The following PLAA variants were observed in gnomAD, a reference collection of about 807,000 sequenced individuals.
PLAA encodes the protein phospholipase A-2-activating protein.
Under a neutral mutation model 84.1 loss-of-function variants are expected in PLAA, and 48 were observed. That is an observed-to-expected ratio of 0.57 (90% confidence interval 0.45 to 0.73). The LOEUF (loss-of-function observed/expected upper bound fraction) is 0.73, where lower values mean the gene tolerates loss of function less well. PLAA is among the 30% of genes least tolerant of loss of function. PLAA has a pLI of 0.00. For synonymous variants in PLAA, 392 were observed against 336.6 expected (o/e 1.16, Z -1.80); for missense variants, 903 against 954.7 (o/e 0.95, Z 0.71).
At chr9:26,942,687 C>T (rs895831193) in intron 1 of PLAA, among the ~76,000 whole-genome samples, 1 of 152,058 alleles carries the variant, frequency 6.6e-6, no homozygotes, top group Non-Finnish European at 1.5e-5. Flanking sequence ...TCCAGACCAT[C>T]CTGGCTAACA....
chr9:26,904,073 C>G lies in PLAA; in HGVS notation c.*1438G>C, dbSNP rs1824158549. The G allele has an allele frequency of 6.5e-6, 1 of 153,416 alleles. No homozygotes were observed. Among genetic ancestry groups the G allele is most frequent in the Non-Finnish European group, 1.5e-5 (1 of 68,012 alleles). The allele number at this position is 153,416 out of a possible 1,614,324, so 9.5% of individuals were successfully genotyped here. A position where few individuals can be genotyped will look rare whatever the true frequency, so the allele number is the denominator to read the frequency against. On this transcript the variant is annotated 3_prime_UTR_variant, in exon 14 of 14. Transcript: ENST00000397292. The stretch of plus-strand genomic sequence containing the variant: ...GTGAACAGAATATTTAGTCCAGGTA[C>G]ACACCAGGTAGTTCCAATTTAATAC...
At position 26,907,417 on chromosome 9, in the gene PLAA, T is replaced by C. The variant is rs1302558217; in HGVS notation, c.1822+417A>G. On this transcript the variant is annotated intron_variant, in intron 13 of 13. Transcript: ENST00000397292. ...GGTGGCGGGTGCCTATAGTCCCAGC[T>C]ACTAAGGAGGCTGAGGCAGGAGAAC... Among the ~76,000 whole-genome samples the C allele has an allele frequency of 9.2e-5, 14 of 152,054 alleles. No individual in the cohort carries two copies. The East Asian group carries it at 2.5e-3, about 27-fold the overall frequency.
At chr9:26,906,134 A>G (rs1337361963) in intron 13 of PLAA, 58 bp from the exon 14 acceptor site, 3 of 1,151,012 alleles carry the variant, frequency 2.6e-6, no homozygotes, top group African/African-American at 3.1e-5. Context: ...TCTTTTGACT[A>G]TCGACTTTGA....
At chr9:26,933,646 G>A (rs904077214) in intron 2 of PLAA, among the ~76,000 whole-genome samples, 11 of 151,384 alleles carry the variant, frequency 7.3e-5, no homozygotes, top group African/African-American at 9.7e-5. Context: ...AAAATTAGCC[G>A]GGCGTGGTAG....
At chr9:26,934,517 T>C (rs1253105834) in intron 2 of PLAA, among the ~76,000 whole-genome samples, 1 of 141,742 alleles carries the variant, frequency 7.1e-6, no homozygotes, top group Non-Finnish European at 1.5e-5. Flanking sequence ...CTCCACTCTG[T>C]CACCCAGGCT....
Position 26,925,923 on chromosome 9 carries a change from G to A in PLAA, c.771C>T (p.Ile257=). Residue 257 remains isoleucine, a synonymous_variant, in exon 6 of 14, where the codon ATC becomes ATT. Coordinates refer to ENST00000397292, the MANE Select transcript of PLAA (RefSeq NM_001031689.3). ...VTTAEDRSLR[I]WKHGECAQTI... ...TTTGAGCACATTCCCCATGTTTCCA[G>A]ATTCTCAGAGATCTGTCCTCTGCTG... is the stretch of plus-strand genomic sequence containing the variant. 1 of 1,613,412 alleles carries A rather than the reference G, an allele frequency of 6.2e-7. No individual in the cohort carries two copies. The highest frequency in any genetic ancestry group is 1.1e-5 in the South Asian group (1 of 91,076).
At position 26,905,514 on chromosome 9, in the gene PLAA, C is replaced by T. The variant is rs772924678; in HGVS notation, c.2385G>A (p.Leu795=). Residue 795 remains leucine (L), a synonymous_variant, in exon 14 of 14, where the codon CTG becomes CTA. Coordinates refer to ENST00000397292, the MANE Select transcript of PLAA (RefSeq NM_001031689.3). ...SECCRFILNL[L] is the part of the protein sequence containing the mutation. ...TATCCGTCCCTCTTCCCCACTGCTA[C>T]AGCAAATTTAGGATAAATCTACAGC... is the stretch of plus-strand genomic sequence containing the variant. 1.2e-6 allele frequency: 2 copies of T among 1,601,446 alleles called. No individual in the cohort carries two copies. Among genetic ancestry groups the T allele is most frequent in the Non-Finnish European group, 1.7e-6 (2 of 1,173,218 alleles).
rs111856455 is a variant in PLAA at position 26,908,517 on chromosome 9, G to GC, written c.1658-520dup. ...CTCACTCTGTTGCCCAGGCTGGAGTGCAGTGGCATGATCTCGGCTCACTGC... is the reference window on the plus strand; with the variant it reads ...CTCACTCTGTTGCCCAGGCTGGAGTGCCAGTGGCATGATCTCGGCTCACTGC... On this transcript the variant is annotated intron_variant, in intron 12 of 13. Coordinates refer to ENST00000397292, the MANE Select transcript of PLAA (RefSeq NM_001031689.3). 2.8e-3 allele frequency among the ~76,000 whole-genome samples: 431 copies of GC among 151,618 alleles called. 4 individuals carry two copies. Among genetic ancestry groups the GC allele is most frequent in the African/African-American group, 9.9e-3 (410 of 41,288 alleles).
chr9:26,945,398 C>T (rs1563923312), intron 1 of PLAA, among the ~76,000 whole-genome samples: 1 of 152,164 alleles, frequency 6.6e-6, no homozygotes, highest in African/African-American at 2.4e-5. Flanking sequence ...TAACTGTACT[C>T]AAACAAAAAG....
In PLAA at chr9:26,905,942, G is replaced by C; in HGVS notation, c.1957C>G (p.Pro653Ala). Reference sequence around the variant, plus strand: ...CTGAGAGCAAGCAGCTGGTTTGCTGGCTTTCCTTTAGGGTTCAGAAGATTG... The same window carrying C: ...CTGAGAGCAAGCAGCTGGTTTGCTGCCTTTCCTTTAGGGTTCAGAAGATTG... ...LINLLNPKGK[P>A]ANQLLALRTF... Residue 653 changes from proline (P) to alanine (A), a missense_variant, in exon 14 of 14, where the codon CCA becomes GCA. By Grantham distance (27) the Pro-to-Ala change is conservative. Coordinates refer to ENST00000397292, the MANE Select transcript of PLAA (RefSeq NM_001031689.3). 1 of 1,614,128 alleles carries C rather than the reference G, an allele frequency of 6.2e-7. No individual in the cohort carries two copies. The highest frequency in any genetic ancestry group is 8.5e-7 in the Non-Finnish European group (1 of 1,180,028).
In PLAA at chr9:26,928,385, A is replaced by G. The variant is rs753681604; in HGVS notation, c.367T>C (p.Phe123Leu). Residue 123 changes from phenylalanine to leucine, a missense_variant, in exon 3 of 14, where the codon TTT becomes CTT. Phe to Leu is a conservative substitution (Grantham distance 22, BLOSUM62 0). Coordinates refer to ENST00000397292, the MANE Select transcript of PLAA (RefSeq NM_001031689.3). The part of the protein sequence containing the change: ...NTVCSLSSGK[F>L]GTLLSGSWDT... ...CATGAACCACTAAGTAATGTCCCAA[A>G]TTTTCCAGATGATAGACTACAAACT... The G allele has an allele frequency of 5.0e-6, 8 of 1,612,744 alleles. No individual in the cohort carries two copies. The highest frequency in any genetic ancestry group is 6.8e-6 in the Non-Finnish European group (8 of 1,178,842).
rs1251664115 is a variant in PLAA at position 26,928,395 on chromosome 9, T to C, written c.357A>G (p.Ser119=). The change falls in exon 3 of 14, where the codon TCA becomes TCG. Residue 119 remains serine, a synonymous_variant. Transcript: ENST00000397292. ...TAAGTAATGTCCCAAATTTTCCAGA[T>C]GATAGACTACAAACTAAGGAAAAAA... is the stretch of plus-strand genomic sequence containing the variant. ...KGHKNTVCSL[S]SGKFGTLLSG... 2.2e-5 allele frequency: 35 copies of C among 1,608,346 alleles called. No individual in the cohort carries two copies. The highest frequency in any genetic ancestry group is 5.3e-5 in the African/African-American group (4 of 74,836).
chr9:26,946,568 G>A (rs1009929984), intron 1 of PLAA, among the ~76,000 whole-genome samples: 13 of 151,550 alleles, frequency 8.6e-5, no homozygotes, highest in Admixed American at 3.3e-4. Context: ...CACTTCGGAG[G>A]GTGCAACTGC....
intron 10 of PLAA, among the ~76,000 whole-genome samples, chr9:26,915,203 A>C: frequency 1.4e-5 from 2 of 145,684 alleles, no homozygotes; most frequent in African/African-American, 2.6e-5. Context: ...GAAGAACAAA[A>C]CTCTGACTCG....
At chr9:26,936,969 C>T (rs546861151) in intron 1 of PLAA, among the ~76,000 whole-genome samples, 7 of 152,058 alleles carry the variant, frequency 4.6e-5, no homozygotes, top group South Asian at 2.1e-4. Context: ...GGTGAAACCC[C>T]GTCTCTACTA....
intron 7 of PLAA, among the ~76,000 whole-genome samples, chr9:26,920,960 AT>A (rs1824739811): frequency 6.6e-6 from 1 of 151,960 alleles, no homozygotes. Context: ...AACTTCAGGA[AT>A]TTTTTCAAAA....
chr9:26,920,420 G>A, intron 7 of PLAA, 36 bp from the exon 8 acceptor site: 2 of 1,394,612 alleles, frequency 1.4e-6, no homozygotes, highest in South Asian at 1.5e-5. Context: ...AAGGTAGAAT[G>A]GCAATGTAAA....
At chr9:26,910,285 T>G (rs891891384) in intron 12 of PLAA, 53 bp downstream of exon 12, 1 of 1,315,370 alleles carries the variant, frequency 7.6e-7, no homozygotes, top group African/African-American at 1.4e-5. Flanking sequence ...ACAACCTTGA[T>G]GACATCTCAA....
In PLAA at chr9:26,920,546, GAAAAT is replaced by G. The variant is rs1824727705; in HGVS notation, c.1040-167_1040-163del. On this transcript the variant is annotated intron_variant, in intron 7 of 13. Coordinates refer to ENST00000397292, the MANE Select transcript of PLAA (RefSeq NM_001031689.3). ...AAAAGATTTAAAAATGTGGCCAAAA[GAAAAT>G]AACAGTTAAAAGGAAATATTATTAA... Among the ~76,000 whole-genome samples, 3 of 152,016 alleles carry G rather than the reference GAAAAT, an allele frequency of 2.0e-5. No individual in the cohort carries two copies. In the South Asian group the frequency reaches 6.2e-4, roughly 31 times the overall value.
Sources: allele counts gnomAD v4.1 joint callset (sites outside exome capture counted in the v4.1 genomes callset), GRCh38; gene constraint gnomAD v4.1.1; transcripts MANE v1.5; gene names NCBI Gene and HGNC (gene_info 2026-07-23, HGNC 2026-07-21).